The following ADAMTS3 variants were observed in gnomAD, a reference collection of about 807,000 sequenced individuals.
ADAMTS3 encodes the protein ADAM metallopeptidase with thrombospondin type 1 motif 3.
ADAMTS3 carries 73 observed loss-of-function variants against 129.0 expected under a neutral mutation model. That is an observed-to-expected ratio of 0.57 (90% confidence interval 0.47 to 0.69). ADAMTS3 has a LOEUF of 0.69. Ranked by LOEUF, ADAMTS3 falls within the 30% of genes least tolerant of loss-of-function variation. ADAMTS3 has a pLI of 0.00. For synonymous variants in ADAMTS3, 477 were observed against 510.8 expected (o/e 0.93, Z 0.89); for missense variants, 1,457 against 1,514.5 (o/e 0.96, Z 0.63).
chr4:72,443,890 A>G lies in ADAMTS3; in HGVS notation c.505-28919T>C, dbSNP rs1353229635. Among the ~76,000 whole-genome samples the G allele has an allele frequency of 3.3e-5, 5 of 151,774 alleles. No individual in the cohort carries two copies. The East Asian group carries it at 9.8e-4, about 30-fold the overall frequency. ...ACTAGTTCCAACCCATTCAAGACTA[A>G]TGGGTTGGGTTGCAGAATGGTTATC... On this transcript the variant is annotated intron_variant, in intron 3 of 21. Transcript: ENST00000286657.
At chr4:72,512,875 T>A (rs1456980253) in intron 3 of ADAMTS3, among the ~76,000 whole-genome samples, 2 of 152,192 alleles carry the variant, frequency 1.3e-5, no homozygotes, top group Admixed American at 1.3e-4. Flanking sequence ...TGGCTTCTCC[T>A]CCTGCTCTCC....
intron 3 of ADAMTS3, among the ~76,000 whole-genome samples, chr4:72,424,968 A>C (rs998751058): frequency 1.3e-5 from 2 of 152,096 alleles, no homozygotes; most frequent in Admixed American, 1.3e-4. Context: ...ATAGGTTGCT[A>C]CATATTCTTT....
intron 2 of ADAMTS3, 48 bp from the exon 3 acceptor site, chr4:72,548,932 A>G: frequency 6.5e-7 from 1 of 1,547,234 alleles, no homozygotes; most frequent in Non-Finnish European, 8.7e-7. Flanking sequence ...ATAAGAGAAC[A>G]CAGGAGAACA....
At chr4:72,298,591 A>G in intron 17 of ADAMTS3, 149 bp from the exon 18 acceptor site, 1 of 600,976 alleles carries the variant, frequency 1.7e-6, no homozygotes. Context: ...TCTATAAACC[A>G]TAGTGCAAAT....
chr4:72,446,285 G>T (rs950363078), intron 3 of ADAMTS3, among the ~76,000 whole-genome samples: 1 of 151,542 alleles, frequency 6.6e-6, no homozygotes, highest in Admixed American at 6.6e-5. Context: ...AACATCTTCT[G>T]GTCAAGTTCC....
chr4:72,286,981 T>C (rs1447492509), intron 21 of ADAMTS3, among the ~76,000 whole-genome samples: 1 of 151,962 alleles, frequency 6.6e-6, no homozygotes, highest in Non-Finnish European at 1.5e-5. Context: ...AAAAGGTGGG[T>C]ATGGCCTGAA....
intron 4 of ADAMTS3, among the ~76,000 whole-genome samples, chr4:72,397,712 A>T (rs1721762378): frequency 6.6e-6 from 1 of 152,198 alleles, no homozygotes. Flanking sequence ...TATCATTAGC[A>T]GCATCTTGAG....
At chr4:72,375,415 G>A (rs1231042506) in intron 4 of ADAMTS3, among the ~76,000 whole-genome samples, 2 of 152,138 alleles carry the variant, frequency 1.3e-5, no homozygotes, top group African/African-American at 4.8e-5. Flanking sequence ...CAGGCTCCTG[G>A]CCCTTCAAGA....
chr4:72,552,932 C>T (rs1455192823), intron 2 of ADAMTS3, among the ~76,000 whole-genome samples: 1 of 152,164 alleles, frequency 6.6e-6, no homozygotes, highest in African/African-American at 2.4e-5. Context: ...ATTCTTATAT[C>T]TACCAGCATA....
rs541770849 is a variant in ADAMTS3, at chr4:72,544,420, T to C, written c.504+4058A>G. Among the ~76,000 whole-genome samples, 3 of 152,228 alleles carry C rather than the reference T, an allele frequency of 2.0e-5. No individual in the cohort carries two copies. The South Asian group carries it at 6.2e-4, about 32-fold the overall frequency. On this transcript the variant is annotated intron_variant, in intron 3 of 21. Coordinates refer to ENST00000286657, the MANE Select transcript of ADAMTS3 (RefSeq NM_014243.3). ...TTCCAGTACTCTTTGAAGACAAGAG[T>C]TACACTTGACCAATCTCAGTACTTA...
In ADAMTS3 at chr4:72,283,640, G is replaced by A. The variant is rs1229467629; in HGVS notation, c.3114C>T (p.Ser1038=). 1 of 1,613,708 alleles carries A rather than the reference G, an allele frequency of 6.2e-7. No homozygotes were observed. The highest frequency in any genetic ancestry group is 1.7e-5 in the Admixed American group (1 of 59,994). The stretch of plus-strand genomic sequence containing the variant: ...AACATAACTTGTTATAACCTGGTAT[G>A]GAGCAGTATCGTGCCAACACTTCCA... The part of the protein sequence containing the change: ...CQMEVLARYC[S]IPGYNKLCCE... The change falls in exon 22 of 22, where the codon TCC becomes TCT. Residue 1038 remains serine (S), a synonymous_variant. Transcript: ENST00000286657.
chr4:72,315,254 A>G (rs1719360900), intron 11 of ADAMTS3, among the ~76,000 whole-genome samples: 1 of 152,198 alleles, frequency 6.6e-6, no homozygotes, highest in Admixed American at 6.5e-5. Flanking sequence ...TCCCAAAGAT[A>G]TCAAGTCTTA....
chr4:72,351,681 G>GA lies in ADAMTS3; in HGVS notation c.662-11989dup, dbSNP rs889713507. ...GAAACTGTCTTCCAAGAGTAGCAAA[G>GA]AAAAAAAAAAGTGCTTGTTAACTAA... On this transcript the variant is annotated intron_variant, in intron 4 of 21. Coordinates refer to ENST00000286657, the MANE Select transcript of ADAMTS3 (RefSeq NM_014243.3). Among the ~76,000 whole-genome samples the GA allele has an allele frequency of 1.3e-3, 196 of 145,482 alleles. 2 individuals carry two copies. Among genetic ancestry groups the GA allele is most frequent in the African/African-American group, 4.5e-3 (177 of 39,760 alleles).
chr4:72,517,522 T>G (rs1277321115), intron 3 of ADAMTS3, among the ~76,000 whole-genome samples: 1 of 152,234 alleles, frequency 6.6e-6, no homozygotes, highest in Non-Finnish European at 1.5e-5. Flanking sequence ...GAGCCTGTTA[T>G]TGGTCTATTC....
At chr4:72,377,165 T>G (rs1721155954) in intron 4 of ADAMTS3, among the ~76,000 whole-genome samples, 1 of 152,152 alleles carries the variant, frequency 6.6e-6, no homozygotes, top group Non-Finnish European at 1.5e-5. Context: ...CTGCTTGAGC[T>G]CCTGTACCAG....
intron 3 of ADAMTS3, among the ~76,000 whole-genome samples, chr4:72,440,964 C>A (rs1189391271): frequency 6.6e-6 from 1 of 151,692 alleles, no homozygotes; most frequent in Admixed American, 6.6e-5. Flanking sequence ...TTACTCAATA[C>A]AATGAGTATT....
chr4:72,370,058 C>T (rs1053336109), intron 4 of ADAMTS3, among the ~76,000 whole-genome samples: 3 of 152,298 alleles, frequency 2.0e-5, no homozygotes, highest in South Asian at 4.1e-4. Flanking sequence ...TATTCCCATA[C>T]ATTAGTTATT....
At chr4:72,541,452 A>G (rs1188028093) in intron 3 of ADAMTS3, among the ~76,000 whole-genome samples, 1 of 152,168 alleles carries the variant, frequency 6.6e-6, no homozygotes, top group Admixed American at 6.5e-5. Context: ...ATGCTGAAAT[A>G]AGTTAAGACT....
At chr4:72,440,023 C>T (rs1383938) in intron 3 of ADAMTS3, among the ~76,000 whole-genome samples, 100,750 of 151,496 alleles carry the variant, frequency 0.67, 33,680 homozygotes, top group South Asian at 0.79. Context: ...TGCAGAAAAT[C>T]AGTTAAGAGC....
Sources: gnomAD v4.1 joint callset for allele counts (sites outside exome capture counted in the v4.1 genomes callset) on GRCh38, gnomAD v4.1.1 for gene constraint, MANE v1.5 for transcripts, NCBI Gene and HGNC (gene_info 2026-07-23, HGNC 2026-07-21) for gene names.